ENTREP2: variants seen among roughly 807,000 people sequenced by gnomAD.
ENTREP2 encodes the protein endosomal transmembrane epsin interactor 2.
chr15:29,387,664 C>A, the ENTREP2 span, among the ~76,000 whole-genome samples: 1 of 152,144 alleles, frequency 6.6e-6, no homozygotes, highest in African/African-American at 2.4e-5. Flanking sequence ...ATTGCCAAGT[C>A]AATCCTAAGC....
At chr15:29,522,012 C>A in the ENTREP2 span, among the ~76,000 whole-genome samples, 1 of 152,082 alleles carries the variant, frequency 6.6e-6, no homozygotes, top group Admixed American at 6.6e-5. Context: ...GGTGCAAAAG[C>A]AATTCTGCGA....
At chr15:29,279,914 T>C in the ENTREP2 span, among the ~76,000 whole-genome samples, 1 of 152,116 alleles carries the variant, frequency 6.6e-6, no homozygotes, top group African/African-American at 2.4e-5. Flanking sequence ...CCCAATTTCT[T>C]ATCTAGACTT....
At chr15:29,550,966 G>T in the ENTREP2 span, among the ~76,000 whole-genome samples, 7,561 of 152,170 alleles carry the variant, frequency 0.05, 591 homozygotes, top group African/African-American at 0.17. Flanking sequence ...GGTGCAATCA[G>T]ATTTCCTCAC....
the ENTREP2 span, among the ~76,000 whole-genome samples, chr15:29,306,945 G>A: frequency 4.1e-3 from 619 of 151,996 alleles, 32 homozygotes; most frequent in East Asian, 0.11. Context: ...ACAGGGTTTC[G>A]CCATGTTGCC....
the ENTREP2 span, among the ~76,000 whole-genome samples, chr15:29,434,963 C>CA: frequency 6.6e-6 from 1 of 152,290 alleles, no homozygotes; most frequent in East Asian, 1.9e-4. Context: ...CAGGGAATCT[C>CA]AGCTATGATC....
At chr15:29,437,925 G>A in the ENTREP2 span, among the ~76,000 whole-genome samples, 4 of 152,330 alleles carry the variant, frequency 2.6e-5, no homozygotes, top group African/African-American at 9.6e-5. Flanking sequence ...AGGAATGTCA[G>A]TTACTTAATT....
At chr15:29,582,605 G>C in the ENTREP2 span, among the ~76,000 whole-genome samples, 8 of 152,080 alleles carry the variant, frequency 5.3e-5, no homozygotes, top group African/African-American at 1.9e-4. Flanking sequence ...CAAATATTAA[G>C]AACTGTCTCT....
chr15:29,123,174 G>C, the ENTREP2 span: 19 of 687,242 alleles, frequency 2.8e-5, no homozygotes, highest in African/African-American at 2.9e-4. Flanking sequence ...GAGAGAGGGG[G>C]TAACAGTTCC....
the ENTREP2 span, among the ~76,000 whole-genome samples, chr15:29,605,695 G>C: frequency 7.1e-6 from 1 of 141,256 alleles, no homozygotes; most frequent in African/African-American, 2.8e-5. Flanking sequence ...AACTAGCTGG[G>C]CATGATGGGG....
chr15:29,649,177 A>G, the ENTREP2 span, among the ~76,000 whole-genome samples: 397 of 152,222 alleles, frequency 2.6e-3, 5 homozygotes, highest in African/African-American at 9.2e-3. Flanking sequence ...GCCTAAAAAA[A>G]GGGAGAAAAA....
the ENTREP2 span, among the ~76,000 whole-genome samples, chr15:29,287,292 T>C: frequency 1.3e-5 from 2 of 151,394 alleles, no homozygotes; most frequent in African/African-American, 4.9e-5. Context: ...TTCTCGGCTT[T>C]GCAAGCAGCA....
chr15:29,203,082 A>G, the ENTREP2 span, among the ~76,000 whole-genome samples: 1 of 152,188 alleles, frequency 6.6e-6, no homozygotes, highest in African/African-American at 2.4e-5. Context: ...CAATGGTTGA[A>G]CTAATTTACA....
chr15:29,402,625 A>G, the ENTREP2 span, among the ~76,000 whole-genome samples: 2 of 152,178 alleles, frequency 1.3e-5, no homozygotes, highest in African/African-American at 2.4e-5. Flanking sequence ...AGAATATTTA[A>G]TGCCATGTAG....
the ENTREP2 span, among the ~76,000 whole-genome samples, chr15:29,658,332 C>T: frequency 1.3e-5 from 2 of 152,172 alleles, no homozygotes; most frequent in Non-Finnish European, 2.9e-5. Flanking sequence ...TTCCTGAGGC[C>T]TTAGCCTCCC....
chr15:29,611,921 T>C, the ENTREP2 span, among the ~76,000 whole-genome samples: 8 of 152,242 alleles, frequency 5.3e-5, no homozygotes, highest in Non-Finnish European at 4.4e-5. Context: ...CTGCCTTCGC[T>C]GCACCTCCAC....
At chr15:29,350,668 T>C in the ENTREP2 span, among the ~76,000 whole-genome samples, 2 of 152,012 alleles carry the variant, frequency 1.3e-5, no homozygotes, top group Non-Finnish European at 2.9e-5. Flanking sequence ...AGAGGGTGGG[T>C]ATGGTGGCTC....
chr15:29,453,778 T>C, the ENTREP2 span, among the ~76,000 whole-genome samples: 2 of 152,374 alleles, frequency 1.3e-5, no homozygotes, highest in South Asian at 2.1e-4. Context: ...GGAATCTTGC[T>C]GTGTTCATTT....
the ENTREP2 span, among the ~76,000 whole-genome samples, chr15:29,450,223 C>A: frequency 2.5e-3 from 380 of 152,250 alleles, 7 homozygotes; most frequent in Admixed American, 0.021. Context: ...TTGATAGTTT[C>A]TTTTCTGTGC....
At chr15:29,569,997 T>A in the ENTREP2 span, 1 of 150,780 alleles carries the variant, frequency 6.6e-6, no homozygotes, top group Non-Finnish European at 1.5e-5. Context: ...ATCCCCGATA[T>A]CCGGGCTGAC....
Sources: allele counts gnomAD v4.1 joint callset (sites outside exome capture counted in the v4.1 genomes callset), GRCh38; gene constraint gnomAD v4.1.1; transcripts MANE v1.5; gene names NCBI Gene and HGNC (gene_info 2026-07-23, HGNC 2026-07-21).